Variants in PCDHGA9 observed in about 807,000 individuals in gnomAD.
The protein encoded by PCDHGA9 is protocadherin gamma subfamily A, 9.
A neutral mutation model predicts 62.5 loss-of-function variants in PCDHGA9; 37 were observed. The ratio of observed to expected loss-of-function variants is 0.59; its 90% CI spans 0.46 to 0.78. The LOEUF (loss-of-function observed/expected upper bound fraction) is 0.78, where lower values mean the gene tolerates loss of function less well. Ranked by LOEUF, PCDHGA9 falls within the 30% of genes least tolerant of loss-of-function variation. PCDHGA9 has a pLI of 0.00. For missense variants in PCDHGA9, 1,138 were observed against 1,166.2 expected (o/e 0.98, Z 0.35); for synonymous variants, 459 against 484.6 (o/e 0.95, Z 0.69).
At chr5:141,417,890 G>GCCGGC (rs2096180101) in intron 1 of PCDHGA9, 1 of 1,568,496 alleles carries the variant, frequency 6.4e-7, no homozygotes, top group Non-Finnish European at 8.6e-7. Context: ...GAGGCGCCGG[G>GCCGGC]CCGGCCCGCG....
chr5:141,490,200 A>G lies in PCDHGA9; in HGVS notation c.2425-4607A>G. 6.2e-6 allele frequency: 10 copies of G among 1,614,198 alleles called. No homozygotes were observed. The highest frequency in any genetic ancestry group is 8.5e-6 in the Non-Finnish European group (10 of 1,180,032). ...AGTCACGTTTCTATGAAATTCATGC[A>G]AGAGCCCGTGACCAGGGACAGCCTG... On this transcript the variant is annotated intron_variant, in intron 1 of 3. Coordinates refer to ENST00000573521, the MANE Select transcript of PCDHGA9 (RefSeq NM_018921.3). The surrounding 1 kb of genome is among the most constrained non-coding windows in gnomAD (Gnocchi z 5.4).
intron 2 of PCDHGA9, among the ~76,000 whole-genome samples, chr5:141,499,182 C>T (rs980293990): frequency 5.3e-5 from 8 of 152,114 alleles, no homozygotes; most frequent in African/African-American, 1.7e-4. Flanking sequence ...GCCCAGCAAA[C>T]CATTTCCCCC....
intron 1 of PCDHGA9, chr5:141,414,381 T>A: frequency 6.2e-7 from 1 of 1,613,866 alleles, no homozygotes. Context: ...AAAAGTCCAT[T>A]GACAGTTATT....
chr5:141,428,307 C>A, intron 1 of PCDHGA9: 1 of 688,030 alleles, frequency 1.5e-6, no homozygotes, highest in South Asian at 1.6e-5. Flanking sequence ...TTTACCTGGT[C>A]GTGGCCTTGG....
At position 141,511,411 on chromosome 5, in the gene PCDHGA9, A is replaced by G; in HGVS notation, c.*238A>G. On this transcript the variant is annotated 3_prime_UTR_variant, in exon 4 of 4. Coordinates refer to ENST00000573521, the MANE Select transcript of PCDHGA9 (RefSeq NM_018921.3). ...GAACCCCCATCCAATCAACTGCTGT[A>G]CCCATGGGGGTAGTGGGGTTACTGT... The G allele has an allele frequency of 1.1e-6, 1 of 901,334 alleles. No homozygotes were observed. Among genetic ancestry groups the G allele is most frequent in the Non-Finnish European group, 1.6e-6 (1 of 617,750 alleles). The allele number at this position is 901,334 out of a possible 1,614,324, so 55.8% of individuals were successfully genotyped here. A position where few individuals can be genotyped will look rare whatever the true frequency, so the allele number is the denominator to read the frequency against.
In PCDHGA9 at chr5:141,491,771, G is replaced by C. The variant is rs760915700; in HGVS notation, c.2425-3036G>C. ...GGAGAAGCCGCCCGTCCTCATAAGG[G>C]ATTGAACTTGCATCCACTCCTCTCC... On this transcript the variant is annotated intron_variant, in intron 1 of 3. Coordinates refer to ENST00000573521, the MANE Select transcript of PCDHGA9 (RefSeq NM_018921.3). The surrounding 1 kb of genome is among the most constrained non-coding windows in gnomAD (Gnocchi z 6.9). 6.4e-7 allele frequency: 1 copy of C among 1,558,290 alleles called. No individual in the cohort carries two copies. Among genetic ancestry groups the C allele is most frequent in the Non-Finnish European group, 8.7e-7 (1 of 1,153,586 alleles).
At chr5:141,421,705 G>C (rs1249601582) in intron 1 of PCDHGA9, 1 of 1,613,944 alleles carries the variant, frequency 6.2e-7, no homozygotes, top group Non-Finnish European at 8.5e-7. Context: ...TAATGCTAGG[G>C]ATCCAGATGT....
At position 141,403,220 on chromosome 5, in the gene PCDHGA9, A is replaced by G. The variant is rs1340190547; in HGVS notation, c.268A>G (p.Ile90Val). ...RSGTLVTAGRIDREELCAQSP... is the reference protein window; with the variant it reads ...RSGTLVTAGRVDREELCAQSP... ...CGGCACCTTGGTCACCGCGGGTAGG[A>G]TAGACCGGGAGGAGCTCTGTGCTCA... The change falls in exon 1 of 4, where the codon ATA becomes GTA. Residue 90 changes from isoleucine to valine, a missense_variant. By Grantham distance (29) the Ile-to-Val change is conservative. Transcript: ENST00000573521. 6.2e-7 allele frequency: 1 copy of G among 1,613,824 alleles called. No individual in the cohort carries two copies. The highest frequency in any genetic ancestry group is 8.5e-7 in the Non-Finnish European group (1 of 1,179,914).
Position 141,489,214 on chromosome 5 carries a change from T to TA in PCDHGA9, c.2425-5592dup, listed in dbSNP as rs771766565. On this transcript the variant is annotated intron_variant, in intron 1 of 3. Transcript: ENST00000573521. This position sits in a 1 kb window ranked among gnomAD's most constrained non-coding sequence, Gnocchi z 4.5. ...CCTTGGAGACAGGACAGCACAGACTTACTCTCCACAAAGGGACTTCTGGGT... is the reference window on the plus strand; with the variant it reads ...CCTTGGAGACAGGACAGCACAGACTTAACTCTCCACAAAGGGACTTCTGGGT... 216 of 1,480,534 alleles carry TA rather than the reference T, an allele frequency of 1.5e-4. 4 individuals are homozygous for TA. The South Asian group carries it at 2.1e-3, about 14-fold the overall frequency. 91.7% of individuals were successfully genotyped at this position (1,480,534 alleles called of 1,614,324 possible).
intron 1 of PCDHGA9, chr5:141,417,697 C>T: frequency 8.8e-7 from 1 of 1,140,966 alleles, no homozygotes; most frequent in Non-Finnish European, 1.2e-6. Context: ...AAAACCAGCT[C>T]CCACACAGAG....
rs558609501 is a variant in PCDHGA9, at chr5:141,487,648, G to C, written c.2425-7159G>C. On this transcript the variant is annotated intron_variant, in intron 1 of 3. Coordinates refer to ENST00000573521, the MANE Select transcript of PCDHGA9 (RefSeq NM_018921.3). This position sits in a 1 kb window ranked among gnomAD's most constrained non-coding sequence, Gnocchi z 5.0. ...CTTTGCAGGCTCAACAAATGCTTGA[G>C]GGTTATTCTGATCCAGGCATATGGC... is the stretch of plus-strand genomic sequence containing the variant. 34 of 1,613,904 alleles carry C rather than the reference G, an allele frequency of 2.1e-5. 1 individual carries two copies. The South Asian group carries it at 3.6e-4, about 17-fold the overall frequency.
At chr5:141,430,883 G>T in intron 1 of PCDHGA9, 1 of 1,601,036 alleles carries the variant, frequency 6.2e-7, no homozygotes, top group Non-Finnish European at 8.5e-7. Context: ...GCTGGAGAAA[G>T]GCTCTAGGGT....
At chr5:141,426,334 C>T (rs551131722) in intron 1 of PCDHGA9, 1 of 186,734 alleles carries the variant, frequency 5.4e-6, no homozygotes, top group South Asian at 1.1e-4. Flanking sequence ...GTGGCAAGCA[C>T]TCTTCCCTTT....
Position 141,490,177 on chromosome 5 carries a change from T to C in PCDHGA9, c.2425-4630T>C, listed in dbSNP as rs780298274. 12 of 1,613,622 alleles carry C rather than the reference T, an allele frequency of 7.4e-6. No individual in the cohort carries two copies. The highest frequency in any genetic ancestry group is 1.0e-5 in the Non-Finnish European group (12 of 1,179,932). On this transcript the variant is annotated intron_variant, in intron 1 of 3. Transcript: ENST00000573521. This position sits in a 1 kb window ranked among gnomAD's most constrained non-coding sequence, Gnocchi z 5.4. The stretch of plus-strand genomic sequence containing the variant: ...GTTGGGTCCCATAGACTTTGAGGAG[T>C]CACGTTTCTATGAAATTCATGCAAG...
chr5:141,414,965 C>T lies in PCDHGA9; in HGVS notation c.2424+9589C>T, dbSNP rs564450666. On this transcript the variant is annotated intron_variant, in intron 1 of 3. Coordinates refer to ENST00000573521, the MANE Select transcript of PCDHGA9 (RefSeq NM_018921.3). ...GGCTACCTGGTGACCAAGGTGGTGG[C>T]GGTGGACAGAGACTCCGGCCAGAAC... The T allele has an allele frequency of 7.9e-5, 127 of 1,613,962 alleles. No homozygotes were observed. The highest frequency in any genetic ancestry group is 7.7e-5 in the Non-Finnish European group (91 of 1,180,046).
intron 1 of PCDHGA9, among the ~76,000 whole-genome samples, chr5:141,472,980 C>CAAAAAAAAAAAAAAAAAGAAAAAA (rs2099309731): frequency 2.3e-5 from 2 of 86,106 alleles, no homozygotes; most frequent in Non-Finnish European, 5.0e-5. Flanking sequence ...GAGTGAAACT[C>CAAAAAAAAAAAAAAAAAGAAAAAA]AAAAAAAAAA....
At chr5:141,446,718 C>G (rs1279970040) in intron 1 of PCDHGA9, among the ~76,000 whole-genome samples, 1 of 152,174 alleles carries the variant, frequency 6.6e-6, no homozygotes, top group Non-Finnish European at 1.5e-5. Flanking sequence ...CTGCCCGCCT[C>G]GGCCTCCCAA....
In PCDHGA9 at chr5:141,491,731, C is replaced by T. The variant is rs1198438920; in HGVS notation, c.2425-3076C>T. ...GGGCTCGGCGCCGCCCCGGGCGACC[C>T]CTGGGGGCGGCACTGGAGAAGCCGC... On this transcript the variant is annotated intron_variant, in intron 1 of 3. Coordinates refer to ENST00000573521, the MANE Select transcript of PCDHGA9 (RefSeq NM_018921.3). The surrounding 1 kb of genome is among the most constrained non-coding windows in gnomAD (Gnocchi z 6.9). 1 of 1,603,678 alleles carries T rather than the reference C, an allele frequency of 6.2e-7. No homozygotes were observed. Among genetic ancestry groups the T allele is most frequent in the Non-Finnish European group, 8.5e-7 (1 of 1,175,748 alleles).
chr5:141,419,108 G>C (rs1449189374), intron 1 of PCDHGA9: 2 of 1,613,792 alleles, frequency 1.2e-6, no homozygotes, highest in African/African-American at 1.3e-5. Flanking sequence ...GCAGACCCCA[G>C]AGTACAACGT....
Sources: gnomAD v4.1 joint callset for allele counts (sites outside exome capture counted in the v4.1 genomes callset) on GRCh38, gnomAD v4.1.1 for gene constraint, Gnocchi (gnomAD v3.1) non-coding constraint, MANE v1.5 for transcripts, NCBI Gene and HGNC (gene_info 2026-07-23, HGNC 2026-07-21) for gene names.